The following MED12L variants were observed in gnomAD, a reference collection of about 807,000 sequenced individuals.
MED12L encodes mediator of RNA polymerase II transcription subunit 12-like protein.
A neutral mutation model predicts 281.3 loss-of-function variants in MED12L; 60 were observed. That is an observed-to-expected ratio of 0.21 (90% CI 0.17 to 0.26). The LOEUF (loss-of-function observed/expected upper bound fraction) is 0.26. Among genes scored for constraint, MED12L ranks in the 10% least tolerant of loss-of-function variants. The probability of loss-of-function intolerance (pLI) is 1.00; values close to 1 mark genes in which losing one functional copy is unlikely to be tolerated. For missense variants in MED12L, 2,146 were observed against 2,680.9 expected (o/e 0.80, Z 4.41); for synonymous variants, 974 against 987.2 (o/e 0.99, Z 0.25).
chr3:151,328,586 G>A, intron 16 of MED12L: 1 of 1,613,742 alleles, frequency 6.2e-7, no homozygotes, highest in Non-Finnish European at 8.5e-7. Flanking sequence ...TGCAAAAACA[G>A]GTTTTTTTAG....
At chr3:151,269,491 A>G (rs1207856363) in intron 16 of MED12L, 7 of 291,764 alleles carry the variant, frequency 2.4e-5, no homozygotes, top group Non-Finnish European at 4.0e-5. Context: ...TGAAAGCAGA[A>G]CAGAAGTATA....
At chr3:151,344,018 A>T (rs1189058759) in intron 16 of MED12L, among the ~76,000 whole-genome samples, 1 of 152,134 alleles carries the variant, frequency 6.6e-6, no homozygotes, top group Non-Finnish European at 1.5e-5. Flanking sequence ...GGCTTTATCC[A>T]TTGGAATATA....
At chr3:151,420,430 G>A (rs904822199) in intron 43 of MED12L, among the ~76,000 whole-genome samples, 13 of 152,224 alleles carry the variant, frequency 8.5e-5, no homozygotes, top group East Asian at 3.9e-4. Flanking sequence ...CCAGCAGAAC[G>A]TAATGTTGTG....
At position 151,186,558 on chromosome 3, in the gene MED12L, C is replaced by T. The variant is rs544123077; in HGVS notation, c.1626+1097C>T. Among the ~76,000 whole-genome samples, 83 of 152,266 alleles carry T rather than the reference C, an allele frequency of 5.5e-4. 1 individual carries two copies. The highest frequency in any genetic ancestry group is 1.6e-3 in the African/African-American group (65 of 41,554). On this transcript the variant is annotated intron_variant, in intron 12 of 44. Coordinates refer to ENST00000687756, the MANE Select transcript of MED12L (RefSeq NM_001393769.1). Reference sequence around the variant, plus strand: ...ACACACTGTCACCTTGAGGCCTCTGCTCTTGTTGTTCCTTCTAGGTTGCAG... The same window carrying T: ...ACACACTGTCACCTTGAGGCCTCTGTTCTTGTTGTTCCTTCTAGGTTGCAG...
intron 5 of MED12L, among the ~76,000 whole-genome samples, chr3:151,144,529 C>A (rs1717503522): frequency 1.3e-5 from 2 of 152,172 alleles, no homozygotes; most frequent in African/African-American, 2.4e-5. Flanking sequence ...TTGTCAGAGG[C>A]CTCGGCCCCC....
At chr3:151,276,263 T>A (rs1741838137) in intron 16 of MED12L, among the ~76,000 whole-genome samples, 1 of 152,248 alleles carries the variant, frequency 6.6e-6, no homozygotes, top group South Asian at 2.1e-4. Context: ...AATTTGCATG[T>A]CTGACAAGCT....
At chr3:151,294,507 T>C (rs1209374878) in intron 16 of MED12L, 1 of 1,614,090 alleles carries the variant, frequency 6.2e-7, no homozygotes. Context: ...TGTTTTCGCT[T>C]TCGGCTTGAC....
chr3:151,144,189 A>G lies in MED12L; in HGVS notation c.557-11972A>G, dbSNP rs558347201. Among the ~76,000 whole-genome samples, 16 of 152,296 alleles carry G rather than the reference A, an allele frequency of 1.1e-4. No individual in the cohort carries two copies. In the East Asian group the frequency reaches 2.9e-3, roughly 28 times the overall value. On this transcript the variant is annotated intron_variant, in intron 5 of 44. Transcript: ENST00000687756. Reference sequence around the variant, plus strand: ...ATAAGAAATTCTTGTTCTAAGGGCTAAAATTGGATTCTGTGGTTGCCGCAT... The same window carrying G: ...ATAAGAAATTCTTGTTCTAAGGGCTGAAATTGGATTCTGTGGTTGCCGCAT...
chr3:151,411,744 A>G (rs1276809879), intron 41 of MED12L, among the ~76,000 whole-genome samples: 1 of 152,222 alleles, frequency 6.6e-6, no homozygotes, highest in African/African-American at 2.4e-5. Flanking sequence ...CTTCCAAGAC[A>G]TGAGTGTAAC....
intron 16 of MED12L, among the ~76,000 whole-genome samples, chr3:151,237,616 G>T (rs1255105622): frequency 6.6e-6 from 1 of 152,070 alleles, no homozygotes; most frequent in Non-Finnish European, 1.5e-5. Flanking sequence ...CTCCCAAAGT[G>T]CTGGGATTAC....
Position 151,390,074 on chromosome 3 carries a change from C to T in MED12L, c.5547C>T (p.Tyr1849=). Residue 1849 remains tyrosine, a synonymous_variant, in exon 38 of 45, where the codon TAC becomes TAT. Transcript: ENST00000687756. ...ATCCACAGTCCACCTTGTGGGGTTA[C>T]AACCTCGTGGGCCAGCCCCAGCAGC... The part of the protein sequence containing the change: ...MHHPQSTLWG[Y]NLVGQPQQPG... The T allele has an allele frequency of 6.2e-7, 1 of 1,614,162 alleles. No individual in the cohort carries two copies. The highest frequency in any genetic ancestry group is 8.5e-7 in the Non-Finnish European group (1 of 1,179,982).
At chr3:151,141,194 T>TTTTTTTTTTTGTTTTG (rs1716968239) in intron 5 of MED12L, among the ~76,000 whole-genome samples, 5 of 145,176 alleles carry the variant, frequency 3.4e-5, no homozygotes, top group African/African-American at 1.3e-4. Flanking sequence ...TTTGTTTTTT[T>TTTTTTTTTTTGTTTTG]TTTTTTGTTA....
intron 16 of MED12L, chr3:151,338,045 G>A: frequency 6.2e-7 from 1 of 1,614,112 alleles, no homozygotes; most frequent in Non-Finnish European, 8.5e-7. Context: ...TGCAGTCAAA[G>A]ACATCCCGGG....
chr3:151,327,734 TAA>T (rs63497161), intron 16 of MED12L: 4,094 of 250,564 alleles, frequency 0.016, no homozygotes, highest in Middle Eastern at 0.031. Flanking sequence ...CTCTTGAAAT[TAA>T]AAAAAAAAAA....
At chr3:151,110,711 G>A (rs987518862) in intron 2 of MED12L, among the ~76,000 whole-genome samples, 4 of 152,164 alleles carry the variant, frequency 2.6e-5, no homozygotes, top group African/African-American at 4.8e-5. Context: ...TTAAAGGAGT[G>A]AAGTGAAAAC....
At chr3:151,269,613 G>A in intron 16 of MED12L, 1 of 350,858 alleles carries the variant, frequency 2.9e-6, no homozygotes, top group South Asian at 2.6e-5. Context: ...TACTTGGGGA[G>A]GAAGACAAAG....
chr3:151,185,276 G>A, intron 11 of MED12L, 54 bp from the exon 12 acceptor site: 1 of 1,576,360 alleles, frequency 6.3e-7, no homozygotes. Context: ...CCTGCCTCTT[G>A]CTGGGTGAAT....
intron 5 of MED12L, 61 bp downstream of exon 5, chr3:151,128,045 C>A: frequency 6.9e-7 from 1 of 1,448,838 alleles, no homozygotes; most frequent in South Asian, 1.2e-5. Context: ...TAATTGTTGC[C>A]TGTACCCTCT....
intron 5 of MED12L, among the ~76,000 whole-genome samples, chr3:151,135,250 C>G (rs192111047): frequency 6.6e-6 from 1 of 152,322 alleles, no homozygotes; most frequent in Admixed American, 6.5e-5. Context: ...CTCCTGACCT[C>G]AGGTGATCTG....
Sources: gnomAD v4.1 joint callset for allele counts (sites outside exome capture counted in the v4.1 genomes callset) on GRCh38, gnomAD v4.1.1 for gene constraint, MANE v1.5 for transcripts, NCBI Gene and HGNC (gene_info 2026-07-23, HGNC 2026-07-21) for gene names.